Variants in PLAGL1 observed in about 807,000 individuals in gnomAD.
The protein encoded by PLAGL1 is PLAG1 like zinc finger 1.
PLAGL1 carries 1 observed loss-of-function variant against 4.6 expected under a neutral mutation model. The ratio of observed to expected loss-of-function variants is 0.22; its 90% CI spans 0.08 to 1.03. The LOEUF (loss-of-function observed/expected upper bound fraction) is 1.03. Ranked by LOEUF, PLAGL1 falls within the 50% of genes least tolerant of loss-of-function variation. PLAGL1 has a pLI of 0.58. For missense variants in PLAGL1, 464 were observed against 570.4 expected, an observed-to-expected ratio of 0.81 and a Z score of 1.90; for synonymous variants, 240 against 237.8, an observed-to-expected ratio of 1.01 and a Z score of -0.08.
In PLAGL1 at chr6:144,008,148, G is replaced by A. The variant is rs1007872696; in HGVS notation, c.-642C>T. 3 of 151,986 alleles carry A rather than the reference G, an allele frequency of 2.0e-5. No homozygotes were observed. The highest frequency in any genetic ancestry group is 1.3e-4 in the Admixed American group (2 of 15,250). The allele number at this position is 151,986 out of a possible 1,614,324, so 9.4% of individuals were successfully genotyped here. On this transcript the variant is annotated 5_prime_UTR_variant, in exon 1 of 8. Transcript: ENST00000674357. The surrounding 1 kb of genome is among the most constrained non-coding windows in gnomAD (Gnocchi z 6.9). ...GGCCGCTCGGGCGTGCCACCTCCGC[G>A]GCCATGACGGCGACCCGGGGAAGCG...
Position 144,050,284 on chromosome 6 carries a change from T to A in PLAGL1, c.-151+14184A>T, listed in dbSNP as rs901187617. Reference sequence around the variant, plus strand: ...GGGCAACCTCCTGTGCTAATTATTGTTCTTTTATTTCCCCTTGAAATCGAC... The same window carrying A: ...GGGCAACCTCCTGTGCTAATTATTGATCTTTTATTTCCCCTTGAAATCGAC... On this transcript the variant is annotated intron_variant, in intron 1 of 3. Transcript: ENST00000437412. The surrounding 1 kb of genome is among the most constrained non-coding windows in gnomAD (Gnocchi z 4.3). Among the ~76,000 whole-genome samples, 2 of 152,168 alleles carry A rather than the reference T, an allele frequency of 1.3e-5. No individual in the cohort carries two copies. The highest frequency in any genetic ancestry group is 2.9e-5 in the Non-Finnish European group (2 of 68,022).
intron 1 of PLAGL1, among the ~76,000 whole-genome samples, chr6:144,019,015 C>G (rs1256795017): frequency 1.3e-5 from 2 of 151,244 alleles, no homozygotes; most frequent in African/African-American, 4.9e-5. Context: ...GCCTGGGGTA[C>G]AGAGAAAGAC....
chr6:144,027,769 T>C lies in PLAGL1; in HGVS notation c.-151+36699A>G, dbSNP rs1796475823. On this transcript the variant is annotated intron_variant, in intron 1 of 3. Transcript: ENST00000437412. This position sits in a 1 kb window ranked among gnomAD's most constrained non-coding sequence, Gnocchi z 5.8. ...CGCTCTGTCAGGGAAATGTTAATCA[T>C]ATTTGCTAAACTTACTATTATATAT... 6.6e-6 allele frequency among the ~76,000 whole-genome samples: 1 copy of C among 152,176 alleles called. No individual in the cohort carries two copies. Among genetic ancestry groups the C allele is most frequent in the East Asian group, 1.9e-4 (1 of 5,208 alleles).
At chr6:143,998,169 A>G (rs1792080704) in intron 1 of PLAGL1, among the ~76,000 whole-genome samples, 1 of 152,232 alleles carries the variant, frequency 6.6e-6, no homozygotes. Context: ...TTGGAAGGAA[A>G]GTCCAAAGAA....
intron 1 of PLAGL1, among the ~76,000 whole-genome samples, chr6:144,058,969 C>A (rs1799190291): frequency 6.6e-6 from 1 of 152,194 alleles, no homozygotes; most frequent in Non-Finnish European, 1.5e-5. Context: ...CCCCTTCCCA[C>A]AACTCCACTA....
chr6:143,988,556 T>G (rs1789714018), intron 1 of PLAGL1, among the ~76,000 whole-genome samples: 2 of 152,318 alleles, frequency 1.3e-5, no homozygotes, highest in African/African-American at 4.8e-5. Context: ...ATGATATCCT[T>G]TATTGTTTTA....
In PLAGL1 at chr6:144,063,464, T is replaced by G. The variant is rs539922892; in HGVS notation, c.-151+1004A>C. Among the ~76,000 whole-genome samples the G allele has an allele frequency of 1.3e-5, 2 of 152,064 alleles. No individual in the cohort carries two copies. Among genetic ancestry groups the G allele is most frequent in the Admixed American group, 1.3e-4 (2 of 15,268 alleles). ...GGACATCTGGGGTGGGCCCAATAGG[T>G]GTGTTCTGAAAAGCTCTCCTGGTGC... On this transcript the variant is annotated intron_variant, in intron 1 of 3. Transcript: ENST00000437412. This position sits in a 1 kb window ranked among gnomAD's most constrained non-coding sequence, Gnocchi z 5.7.
rs186787586 is a variant in PLAGL1 at position 144,040,241 on chromosome 6, G to A, written c.-151+24227C>T. 1.4e-4 allele frequency among the ~76,000 whole-genome samples: 21 copies of A among 152,224 alleles called. No individual in the cohort carries two copies. In the East Asian group the frequency reaches 4.0e-3, roughly 29 times the overall value. ...CTAGTTAATATCTTACTTAAAACAA[G>A]GTCTAGGCCAGGCACGGTGGCTCAC... On this transcript the variant is annotated intron_variant, in intron 1 of 3. Transcript: ENST00000437412.
intron 1 of PLAGL1, among the ~76,000 whole-genome samples, chr6:144,057,804 C>A (rs1799092461): frequency 6.9e-6 from 1 of 144,216 alleles, no homozygotes; most frequent in East Asian, 2.1e-4. Flanking sequence ...TTTACCTCTA[C>A]ATGCTTCCTC....
At chr6:144,037,415 CAAAAAAAAAAAAAA>C (rs34570725) in intron 1 of PLAGL1, 7 of 88,148 alleles carry the variant, frequency 7.9e-5, no homozygotes, top group South Asian at 4.1e-4. Context: ...CCATCTCTAC[CAAAAAAAAAAAAAA>C]AAAAAAAAAA....
In PLAGL1 at chr6:143,982,141, A is replaced by G; in HGVS notation, c.-544+2994T>C. 6.6e-6 allele frequency among the ~76,000 whole-genome samples: 1 copy of G among 152,146 alleles called. No individual in the cohort carries two copies. On this transcript the variant is annotated intron_variant, in intron 2 of 7. Coordinates refer to ENST00000674357, the MANE Select transcript of PLAGL1 (RefSeq NM_001317162.2). The surrounding 1 kb of genome is among the most constrained non-coding windows in gnomAD (Gnocchi z 5.3). ...TATCCCATAACAAAGCTCAAGTAAAATATGTATCAGATGGTGATTTTAAAA... is the reference window on the plus strand; with the variant it reads ...TATCCCATAACAAAGCTCAAGTAAAGTATGTATCAGATGGTGATTTTAAAA...
Position 143,984,877 on chromosome 6 carries a change from A to G in PLAGL1, c.-544+258T>C, listed in dbSNP as rs954428278. Among the ~76,000 whole-genome samples, 6 of 152,180 alleles carry G rather than the reference A, an allele frequency of 3.9e-5. No individual in the cohort carries two copies. Among genetic ancestry groups the G allele is most frequent in the African/African-American group, 1.4e-4 (6 of 41,456 alleles). On this transcript the variant is annotated intron_variant, in intron 2 of 7. Transcript: ENST00000674357. This position sits in a 1 kb window ranked among gnomAD's most constrained non-coding sequence, Gnocchi z 5.5. ...GCTCTGCCCTTTGCTCCCACTAACC[A>G]TAACTCTGATAAGAAGTCACTATAA...
rs1307078490 is a variant in PLAGL1 at position 144,050,926 on chromosome 6, G to C, written c.-151+13542C>G. The stretch of plus-strand genomic sequence containing the variant: ...ACAAAACAAAGCCAAAAACCTTAGG[G>C]AACTGTATCTGTTACTCTTTTATTA... On this transcript the variant is annotated intron_variant, in intron 1 of 3. Coordinates refer to the PLAGL1 transcript ENST00000437412. This position sits in a 1 kb window ranked among gnomAD's most constrained non-coding sequence, Gnocchi z 4.3. Among the ~76,000 whole-genome samples the C allele has an allele frequency of 6.6e-6, 1 of 152,120 alleles. No homozygotes were observed. Among genetic ancestry groups the C allele is most frequent in the Non-Finnish European group, 1.5e-5 (1 of 68,030 alleles).
chr6:144,061,805 T>C lies in PLAGL1; in HGVS notation c.-151+2663A>G, dbSNP rs1374185010. Among the ~76,000 whole-genome samples, 3 of 152,220 alleles carry C rather than the reference T, an allele frequency of 2.0e-5. No homozygotes were observed. The highest frequency in any genetic ancestry group is 4.8e-5 in the African/African-American group (2 of 41,462). On this transcript the variant is annotated intron_variant, in intron 1 of 3. Transcript: ENST00000437412. The surrounding 1 kb of genome is among the most constrained non-coding windows in gnomAD (Gnocchi z 4.4). Reference sequence around the variant, plus strand: ...CCTCCCAATCTCCCTCTTCTAGTTATTCCTTTTTTTAATTCCTCTTACGAT... The same window carrying C: ...CCTCCCAATCTCCCTCTTCTAGTTACTCCTTTTTTTAATTCCTCTTACGAT...
chr6:143,962,351 T>C lies in PLAGL1; in HGVS notation c.-398-1809A>G, dbSNP rs1462542195. On this transcript the variant is annotated intron_variant, in intron 5 of 7. Transcript: ENST00000674357. The surrounding 1 kb of genome is among the most constrained non-coding windows in gnomAD (Gnocchi z 5.3). ...GGGTTTTCATACGTCAATTATTCTT[T>C]TTTAAGTATGTGGTTAAAAATGACC... Among the ~76,000 whole-genome samples, 2 of 152,232 alleles carry C rather than the reference T, an allele frequency of 1.3e-5. No individual in the cohort carries two copies. Among genetic ancestry groups the C allele is most frequent in the Non-Finnish European group, 2.9e-5 (2 of 68,044 alleles).
At chr6:144,054,667 T>C (rs919280108) in intron 1 of PLAGL1, among the ~76,000 whole-genome samples, 2 of 145,580 alleles carry the variant, frequency 1.4e-5, no homozygotes, top group South Asian at 2.1e-4. Context: ...AAAACCTAGA[T>C]GACGGGTTGA....
At chr6:144,024,746 G>A (rs755829884) in intron 1 of PLAGL1, among the ~76,000 whole-genome samples, 3 of 152,150 alleles carry the variant, frequency 2.0e-5, no homozygotes, top group Admixed American at 6.5e-5. Context: ...AAAGGGACAC[G>A]AGCCAACCTG....
rs1797077970 is a variant in PLAGL1 at position 144,034,574 on chromosome 6, T to C, written c.-151+29894A>G. 6.6e-6 allele frequency among the ~76,000 whole-genome samples: 1 copy of C among 152,184 alleles called. No homozygotes were observed. The highest frequency in any genetic ancestry group is 2.4e-5 in the African/African-American group (1 of 41,450). ...AGGAAGTGTGCAGCTAATTCAGTCC[T>C]CCAGCAAAGAAAAGTGGGAGGCCCC... On this transcript the variant is annotated intron_variant, in intron 1 of 3. Coordinates refer to the PLAGL1 transcript ENST00000437412. This position sits in a 1 kb window ranked among gnomAD's most constrained non-coding sequence, Gnocchi z 4.7.
At chr6:144,035,435 G>T (rs1290601141) in intron 1 of PLAGL1, among the ~76,000 whole-genome samples, 1 of 152,210 alleles carries the variant, frequency 6.6e-6, no homozygotes, top group African/African-American at 2.4e-5. Context: ...AAAGATGAAG[G>T]CCGGAAGACT....
Sources: gnomAD v4.1 joint callset for allele counts (sites outside exome capture counted in the v4.1 genomes callset) on GRCh38, gnomAD v4.1.1 for gene constraint, Gnocchi (gnomAD v3.1) non-coding constraint, MANE v1.5 for transcripts, NCBI Gene and HGNC (gene_info 2026-07-23, HGNC 2026-07-21) for gene names.